The following TAF8 variants were observed in gnomAD, a reference collection of about 807,000 sequenced individuals.
TAF8 encodes TATA-box binding protein associated factor 8, also known as transcription initiation factor TFIID subunit 8.
A neutral mutation model predicts 36.5 loss-of-function variants in TAF8; 47 were observed. That is an observed-to-expected ratio of 1.29 (90% CI 1.02 to 1.64). The LOEUF (loss-of-function observed/expected upper bound fraction) is 1.64. Among genes scored for constraint, TAF8 ranks in the 40% most tolerant of loss-of-function variants. The pLI is 0.00. For missense variants in TAF8, 420 were observed against 407.6 expected (o/e 1.03, Z -0.26); for synonymous variants, 175 against 159.5 (o/e 1.10, Z -0.73).
intron 5 of TAF8, among the ~76,000 whole-genome samples, chr6:42,059,386 A>G (rs187006001): frequency 0.027 from 3,918 of 143,084 alleles, 141 homozygotes; most frequent in African/African-American, 0.087. Context: ...TTGTCTCAAG[A>G]AAAAAAAAAA....
At chr6:42,072,288 A>G (rs9394859) in intron 7 of TAF8, among the ~76,000 whole-genome samples, 32,962 of 152,046 alleles carry the variant, frequency 0.22, 3,865 homozygotes, top group African/African-American at 0.29. Flanking sequence ...TCTAGTGACA[A>G]TTTACTACAG....
chr6:42,050,572 G>A lies in TAF8; in HGVS notation c.31G>A (p.Gly11Ser), dbSNP rs1015767224. Residue 11 changes from glycine to serine, a missense_variant, in exon 1 of 9, where the codon GGT becomes AGT. Physicochemically the swap from Gly to Ser is moderately conservative, Grantham distance 56 (BLOSUM62 0). Transcript: ENST00000372977. The part of the protein sequence containing the change: MADAAATAGA[G>S]GSGTRSGSKQ... ...CGACGCGGCGGCCACAGCTGGGGCC[G>A]GTGGCTCCGGAACGGTAAGGGCAGG... 1.9e-5 allele frequency: 30 copies of A among 1,552,414 alleles called. No homozygotes were observed. The East Asian group carries it at 6.7e-4, about 35-fold the overall frequency.
intron 2 of TAF8, among the ~76,000 whole-genome samples, chr6:42,053,972 ACAC>A (rs1764890881): frequency 6.6e-6 from 1 of 152,094 alleles, no homozygotes. Context: ...CTCTTGTTAG[ACAC>A]CCTTCCCTGT....
chr6:42,085,508 G>GTAGA (rs1315217248), downstream of TAF8, among the ~76,000 whole-genome samples: 1 of 152,136 alleles, frequency 6.6e-6, no homozygotes, highest in African/African-American at 2.4e-5. Context: ...AGTCATGAGA[G>GTAGA]TAGAGCCTTT....
At chr6:42,062,453 T>G (rs565447003) in intron 5 of TAF8, among the ~76,000 whole-genome samples, 2 of 151,200 alleles carry the variant, frequency 1.3e-5, no homozygotes, top group African/African-American at 4.8e-5. Context: ...TTTTACACGA[T>G]CAACCCTTTA....
intron 3 of TAF8, 94 bp downstream of exon 3, chr6:42,055,723 A>T: frequency 9.6e-7 from 1 of 1,042,718 alleles, no homozygotes; most frequent in Non-Finnish European, 1.5e-6. Context: ...GGTTTCCCTC[A>T]TGGTTCTCTT....
intron 5 of TAF8, among the ~76,000 whole-genome samples, chr6:42,061,234 T>A (rs1164661533): frequency 6.6e-6 from 1 of 152,218 alleles, no homozygotes; most frequent in Non-Finnish European, 1.5e-5. Flanking sequence ...CATACAACAA[T>A]TTTACATAGC....
At chr6:42,067,992 C>G (rs888927872) in intron 6 of TAF8, among the ~76,000 whole-genome samples, 1 of 152,180 alleles carries the variant, frequency 6.6e-6, no homozygotes, top group Non-Finnish European at 1.5e-5. Flanking sequence ...GCAGAGTGCT[C>G]AAATCCAGCC....
Position 42,057,458 on chromosome 6 carries a change from A to G in TAF8, c.434A>G (p.His145Arg). ...TAGQNRPHPP[H>R]IPSHFPEFPD... ...GGGCAGAACCGACCCCACCCGCCGCACATCCCCAGCCATTTTCCTGAGTTC... is the reference window on the plus strand; with the variant it reads ...GGGCAGAACCGACCCCACCCGCCGCGCATCCCCAGCCATTTTCCTGAGTTC... Residue 145 changes from histidine to arginine, a missense_variant, in exon 5 of 9, where the codon CAC becomes CGC. By Grantham distance (29) the His-to-Arg change is conservative. Transcript: ENST00000372977. 1 of 1,614,116 alleles carries G rather than the reference A, an allele frequency of 6.2e-7. No homozygotes were observed. Among genetic ancestry groups the G allele is most frequent in the African/African-American group, 1.3e-5 (1 of 75,012 alleles).
intron 2 of TAF8, among the ~76,000 whole-genome samples, chr6:42,054,739 G>C (rs886796143): frequency 2.5e-4 from 38 of 151,656 alleles, no homozygotes; most frequent in Admixed American, 2.4e-3. Context: ...TGAGTAGCTG[G>C]GATTACAGGT....
intron 5 of TAF8, among the ~76,000 whole-genome samples, chr6:42,058,827 A>G (rs1007673263): frequency 1.3e-5 from 2 of 152,148 alleles, no homozygotes; most frequent in East Asian, 3.9e-4. Context: ...CCTGTAGGGG[A>G]GTCCCTCCTT....
chr6:42,074,523 C>T (rs558786137), intron 7 of TAF8, among the ~76,000 whole-genome samples: 3 of 152,206 alleles, frequency 2.0e-5, no homozygotes, highest in Non-Finnish European at 4.4e-5. Context: ...ATCTCTGGGT[C>T]AGTTTGACAC....
intron 7 of TAF8, among the ~76,000 whole-genome samples, chr6:42,071,688 T>C (rs1021633017): frequency 3.9e-5 from 6 of 152,036 alleles, no homozygotes; most frequent in Non-Finnish European, 7.4e-5. Context: ...TGGGAGACCA[T>C]GGCTTTAAAT....
chr6:42,079,338 C>T lies in TAF8; in HGVS notation c.*1793C>T, dbSNP rs1356607357. The T allele has an allele frequency of 1.4e-4, 140 of 985,272 alleles. No homozygotes were observed. Among genetic ancestry groups the T allele is most frequent in the Non-Finnish European group, 1.6e-4 (136 of 829,938 alleles). 61.0% of individuals were successfully genotyped at this position (985,272 alleles called of 1,614,324 possible). On this transcript the variant is annotated 3_prime_UTR_variant, in exon 9 of 9. Transcript: ENST00000372977. Reference sequence around the variant, plus strand: ...AATTTGTATCCTGTGGGGAGAACAACTTCATTCTTAACATACCCTACAAAC... The same window carrying T: ...AATTTGTATCCTGTGGGGAGAACAATTTCATTCTTAACATACCCTACAAAC...
In TAF8 at chr6:42,082,404, C is replaced by G. The variant is rs550576719; in HGVS notation, c.*4859C>G. ...CTGGATGGAGTGCAGTGGAGCGATC[C>G]CAGCTCACTGCAACTCCTCCACCTC... On this transcript the variant is annotated 3_prime_UTR_variant, in exon 9 of 9. Transcript: ENST00000372977. 2 of 152,336 alleles carry G rather than the reference C, an allele frequency of 1.3e-5. No homozygotes were observed. The highest frequency in any genetic ancestry group is 4.8e-5 in the African/African-American group (2 of 41,568). 9.4% of individuals were successfully genotyped at this position (152,336 alleles called of 1,614,324 possible).
rs1369891335 is a variant in TAF8, at chr6:42,081,116, A to G, written c.*3571A>G. On this transcript the variant is annotated 3_prime_UTR_variant, in exon 9 of 9. Transcript: ENST00000372977. ...TTCCACACTTGTCAGTAGCTTGTTG[A>G]TTCTGTTTCATCTGTTTCTCCCACT... 1 of 240,684 alleles carries G rather than the reference A, an allele frequency of 4.2e-6. No homozygotes were observed. Among genetic ancestry groups the G allele is most frequent in the Non-Finnish European group, 6.7e-6 (1 of 149,864 alleles). The allele number at this position is 240,684 out of a possible 1,614,324, so 14.9% of individuals were successfully genotyped here.
Position 42,051,531 on chromosome 6 carries a change from C to T in TAF8, c.202+18C>T, listed in dbSNP as rs1181645995. 1.9e-6 allele frequency: 3 copies of T among 1,611,832 alleles called. No homozygotes were observed. The highest frequency in any genetic ancestry group is 2.2e-5 in the East Asian group (1 of 44,840). ...GCAGAGCTGTGAGTACATGGAAACACTTGGCCTTGGAGTCAACCCCAACAT... is the reference window on the plus strand; with the variant it reads ...GCAGAGCTGTGAGTACATGGAAACATTTGGCCTTGGAGTCAACCCCAACAT... On this transcript the variant is annotated intron_variant, in intron 2 of 8. Transcript: ENST00000372977.
At chr6:42,051,588 G>T in intron 2 of TAF8, 75 bp downstream of exon 2, 1 of 1,504,632 alleles carries the variant, frequency 6.6e-7, no homozygotes, top group South Asian at 1.3e-5. Flanking sequence ...GATAGTGTTT[G>T]AGAGGATTTA....
intron 7 of TAF8, among the ~76,000 whole-genome samples, chr6:42,071,730 G>A (rs1389235051): frequency 6.6e-6 from 1 of 151,972 alleles, no homozygotes; most frequent in Non-Finnish European, 1.5e-5. Context: ...GTACGCTTCT[G>A]TTAATTTGGG....
Sources: allele counts gnomAD v4.1 joint callset (sites outside exome capture counted in the v4.1 genomes callset), GRCh38; gene constraint gnomAD v4.1.1; transcripts MANE v1.5; gene names NCBI Gene and HGNC (gene_info 2026-07-23, HGNC 2026-07-21).